The following MTMR12 variants were observed in gnomAD, a reference collection of about 807,000 sequenced individuals.
MTMR12 encodes myotubularin related protein 12.
Under a neutral mutation model 96.7 loss-of-function variants are expected in MTMR12, and 33 were observed. That is an observed-to-expected ratio of 0.34 (90% CI 0.26 to 0.46). The LOEUF (loss-of-function observed/expected upper bound fraction) is 0.46, where lower values mean the gene tolerates loss of function less well. Ranked by LOEUF, MTMR12 falls within the 20% of genes least tolerant of loss-of-function variation. The probability of loss-of-function intolerance (pLI) is 1.00; values close to 1 mark genes in which losing one functional copy is unlikely to be tolerated. For missense variants in MTMR12, 721 were observed against 896.1 expected, an observed-to-expected ratio of 0.80 and a Z score of 2.49; for synonymous variants, 298 against 327.2, an observed-to-expected ratio of 0.91 and a Z score of 0.96.
rs1748074196 is a variant in MTMR12, at chr5:32,233,320, G to A, written c.1674+453C>T. 6.6e-6 allele frequency among the ~76,000 whole-genome samples: 1 copy of A among 152,010 alleles called. No individual in the cohort carries two copies. The highest frequency in any genetic ancestry group is 2.1e-4 in the South Asian group (1 of 4,826). The stretch of plus-strand genomic sequence containing the variant: ...GAGGGGTAGTTGTGACAGAGACTTT[G>A]CAGCCCTTGACAGAGTTTTGCAACC... On this transcript the variant is annotated intron_variant, in intron 15 of 15. Coordinates refer to ENST00000382142, the MANE Select transcript of MTMR12 (RefSeq NM_001040446.3). This position sits in a 1 kb window ranked among gnomAD's most constrained non-coding sequence, Gnocchi z 5.0.
rs988660916 is a variant in MTMR12, at chr5:32,270,961, A to G, written c.359-14T>C. 4 of 1,600,560 alleles carry G rather than the reference A, an allele frequency of 2.5e-6. No homozygotes were observed. The highest frequency in any genetic ancestry group is 1.1e-5 in the South Asian group (1 of 88,186). On this transcript the variant is annotated splice_polypyrimidine_tract_variant and intron_variant, in intron 4 of 15. Coordinates refer to ENST00000382142, the MANE Select transcript of MTMR12 (RefSeq NM_001040446.3). ...TCTCATCAAACACTACAGATCAGCA[A>G]TGAAATCAGGAAGGGAAATTATGTT...
chr5:32,279,140 C>T (rs1207981982), intron 1 of MTMR12, among the ~76,000 whole-genome samples: 1 of 136,246 alleles, frequency 7.3e-6, no homozygotes, highest in Non-Finnish European at 1.5e-5. Flanking sequence ...GGCACAGCAA[C>T]TCACACCTAC....
At chr5:32,254,698 G>C (rs776745971) in intron 8 of MTMR12, among the ~76,000 whole-genome samples, 1 of 152,022 alleles carries the variant, frequency 6.6e-6, no homozygotes, top group Non-Finnish European at 1.5e-5. Flanking sequence ...CAAAAAATTA[G>C]CTGGGCCTGG....
intron 3 of MTMR12, among the ~76,000 whole-genome samples, chr5:32,272,896 C>G (rs1749892509): frequency 6.6e-6 from 1 of 152,116 alleles, no homozygotes; most frequent in Non-Finnish European, 1.5e-5. Flanking sequence ...AAGCCCAAGG[C>G]CAGATGGAAG....
intron 4 of MTMR12, among the ~76,000 whole-genome samples, chr5:32,271,604 G>A (rs893067564): frequency 6.6e-6 from 1 of 152,188 alleles, no homozygotes; most frequent in Non-Finnish European, 1.5e-5. Context: ...ATGGTGTCGT[G>A]TGAAGTATTA....
intron 8 of MTMR12, among the ~76,000 whole-genome samples, chr5:32,251,055 T>C (rs929225207): frequency 1.6e-5 from 2 of 125,596 alleles, no homozygotes; most frequent in African/African-American, 7.2e-5. Context: ...GGTCCCTCTC[T>C]TTTTTTTTTT....
Position 32,262,235 on chromosome 5 carries a change from C to T in MTMR12, c.713+878G>A, listed in dbSNP as rs1749388903. Among the ~76,000 whole-genome samples, 2 of 152,280 alleles carry T rather than the reference C, an allele frequency of 1.3e-5. 1 individual carries two copies. The highest frequency in any genetic ancestry group is 3.9e-4 in the East Asian group (2 of 5,190). The stretch of plus-strand genomic sequence containing the variant: ...AATTTCCACAGGATCTGGCAGTCCA[C>T]TTCTAGGTAATATACCCAAGAAAAA... On this transcript the variant is annotated intron_variant, in intron 7 of 15. Coordinates refer to ENST00000382142, the MANE Select transcript of MTMR12 (RefSeq NM_001040446.3).
intron 13 of MTMR12, among the ~76,000 whole-genome samples, chr5:32,238,539 C>A (rs180870736): frequency 7.1e-4 from 108 of 152,236 alleles, no homozygotes; most frequent in Non-Finnish European, 1.0e-3. Context: ...GCAAATATTC[C>A]AAAATCCAAA....
At chr5:32,307,504 G>T (rs1378459207) in intron 1 of MTMR12, among the ~76,000 whole-genome samples, 1 of 152,128 alleles carries the variant, frequency 6.6e-6, no homozygotes, top group Non-Finnish European at 1.5e-5. Context: ...GCCATCAGCT[G>T]CCCACTTAAC....
intron 6 of MTMR12, among the ~76,000 whole-genome samples, chr5:32,267,104 C>G (rs560291160): frequency 6.7e-6 from 1 of 149,590 alleles, no homozygotes; most frequent in African/African-American, 2.5e-5. Flanking sequence ...GAGTAACGGA[C>G]GGGCCCTTGA....
intron 5 of MTMR12, among the ~76,000 whole-genome samples, chr5:32,269,216 G>A (rs1185150750): frequency 4.0e-5 from 6 of 151,662 alleles, no homozygotes; most frequent in Middle Eastern, 3.2e-3. Flanking sequence ...TAGTAGAGAC[G>A]GGGTTTCGCT....
At chr5:32,273,912 A>G (rs994425699) in intron 3 of MTMR12, 68 bp downstream of exon 3, 13 of 1,589,466 alleles carry the variant, frequency 8.2e-6, no homozygotes, top group Admixed American at 1.7e-5. Flanking sequence ...AGAAGCTGGG[A>G]AAAAAAGACA....
intron 1 of MTMR12, among the ~76,000 whole-genome samples, chr5:32,277,513 A>G (rs1750101417): frequency 6.6e-6 from 1 of 152,186 alleles, no homozygotes; most frequent in Non-Finnish European, 1.5e-5. Flanking sequence ...AGCCTGGCCA[A>G]CATGGCAAAA....
chr5:32,297,526 G>C (rs945586859), intron 1 of MTMR12, among the ~76,000 whole-genome samples: 2 of 150,694 alleles, frequency 1.3e-5, no homozygotes, highest in Non-Finnish European at 2.9e-5. Flanking sequence ...TTCACATTTA[G>C]ACCCTGCTTT....
At chr5:32,305,760 G>A (rs1014456083) in intron 1 of MTMR12, among the ~76,000 whole-genome samples, 1 of 152,146 alleles carries the variant, frequency 6.6e-6, no homozygotes, top group Non-Finnish European at 1.5e-5. Flanking sequence ...AAAATTAGCA[G>A]AGTGTAGTGG....
At chr5:32,279,255 C>A (rs1053249396) in intron 1 of MTMR12, among the ~76,000 whole-genome samples, 8 of 151,588 alleles carry the variant, frequency 5.3e-5, no homozygotes, top group Admixed American at 6.6e-5. Context: ...AACAAACAAA[C>A]AAAAAAATTA....
At chr5:32,251,916 G>A (rs1199705294) in intron 8 of MTMR12, among the ~76,000 whole-genome samples, 1 of 152,158 alleles carries the variant, frequency 6.6e-6, no homozygotes, top group African/African-American at 2.4e-5. Flanking sequence ...GGTCGTCACT[G>A]GGAGTCAAGA....
intron 1 of MTMR12, among the ~76,000 whole-genome samples, chr5:32,295,759 T>G (rs1254613268): frequency 1.3e-5 from 2 of 152,198 alleles, no homozygotes; most frequent in African/African-American, 4.8e-5. Context: ...GTTTAAATAA[T>G]AAACCCAGGT....
chr5:32,255,665 A>C, intron 8 of MTMR12, 28 bp downstream of exon 8: 1 of 1,581,688 alleles, frequency 6.3e-7, no homozygotes, highest in Non-Finnish European at 8.6e-7. Flanking sequence ...CACAACCCAC[A>C]CCTTTCAGGG....
Sources: gnomAD v4.1 joint callset for allele counts (sites outside exome capture counted in the v4.1 genomes callset) on GRCh38, gnomAD v4.1.1 for gene constraint, Gnocchi (gnomAD v3.1) non-coding constraint, MANE v1.5 for transcripts, NCBI Gene and HGNC (gene_info 2026-07-23, HGNC 2026-07-21) for gene names.